IQSEC1: variants seen among roughly 807,000 people sequenced by gnomAD.
IQSEC1 encodes the protein IQ motif and Sec7 domain ArfGEF 1, also known as IQ motif and SEC7 domain-containing protein 1.
A neutral mutation model predicts 91.0 loss-of-function variants in IQSEC1; 31 were observed. That is an observed-to-expected ratio of 0.34 (90% CI 0.26 to 0.46). The LOEUF is 0.46. Ranked by LOEUF, IQSEC1 falls within the 20% of genes least tolerant of loss-of-function variation. The pLI is 1.00. For missense variants in IQSEC1, 1,388 were observed against 1,575.6 expected (o/e 0.88, Z 2.02); for synonymous variants, 699 against 662.6 (o/e 1.05, Z -0.84).
Position 13,282,070 on chromosome 3 carries a change from C to G in IQSEC1, c.272+641G>C, listed in dbSNP as rs1175873697. On this transcript the variant is annotated intron_variant, in intron 1 of 15. Coordinates refer to the IQSEC1 transcript ENST00000648114. This position sits in a 1 kb window ranked among gnomAD's most constrained non-coding sequence, Gnocchi z 6.4. ...GTCCAGGGCTGCTGGACAGCCCCGCCCTGTACCTCTCCCCATCCCTCACTT... is the reference window on the plus strand; with the variant it reads ...GTCCAGGGCTGCTGGACAGCCCCGCGCTGTACCTCTCCCCATCCCTCACTT... Among the ~76,000 whole-genome samples, 1 of 152,202 alleles carries G rather than the reference C, an allele frequency of 6.6e-6. No individual in the cohort carries two copies. Among genetic ancestry groups the G allele is most frequent in the East Asian group, 1.9e-4 (1 of 5,194 alleles).
At chr3:13,182,664 G>T (rs1040854459) in intron 1 of IQSEC1, among the ~76,000 whole-genome samples, 5 of 152,170 alleles carry the variant, frequency 3.3e-5, no homozygotes, top group African/African-American at 1.2e-4. Context: ...AAATTTAAGA[G>T]AACTAGAAAT....
At chr3:13,204,986 A>G (rs943640963) in intron 1 of IQSEC1, among the ~76,000 whole-genome samples, 4 of 151,774 alleles carry the variant, frequency 2.6e-5, no homozygotes, top group Non-Finnish European at 5.9e-5. Context: ...TTAGTAGAAA[A>G]GAGGTTTCAC....
At chr3:13,022,135 CCCA>C (rs1703430439) in intron 1 of IQSEC1, 6 of 1,231,886 alleles carry the variant, frequency 4.9e-6, no homozygotes, top group African/African-American at 1.5e-5. Context: ...GGCCAAGGGG[CCCA>C]CCACCACTGC....
chr3:12,900,677 A>AGT lies in IQSEC1; in HGVS notation c.*304_*305dup. The stretch of plus-strand genomic sequence containing the variant: ...TAGGGCACAGGGAGCTGAGAGCTGG[A>AGT]GTGGGGGAGGCAGTTCAACACTACT... On this transcript the variant is annotated 3_prime_UTR_variant, in exon 14 of 14. Coordinates refer to ENST00000613206, the MANE Select transcript of IQSEC1 (RefSeq NM_001134382.3). 3.1e-6 allele frequency: 4 copies of AGT among 1,302,490 alleles called. No homozygotes were observed. The highest frequency in any genetic ancestry group is 3.9e-6 in the Non-Finnish European group (4 of 1,022,226). 80.7% of individuals were successfully genotyped at this position (1,302,490 alleles called of 1,614,324 possible).
chr3:13,047,429 G>C (rs1704540515), intron 1 of IQSEC1: 1 of 957,266 alleles, frequency 1.0e-6, no homozygotes, highest in South Asian at 4.8e-5. Context: ...TGGGCAGTGA[G>C]GACCTAAGGA....
chr3:13,009,843 C>G (rs1439858440), intron 1 of IQSEC1, among the ~76,000 whole-genome samples: 1 of 152,162 alleles, frequency 6.6e-6, no homozygotes, highest in Non-Finnish European at 1.5e-5. Flanking sequence ...GCGCCCGCCT[C>G]CTACTCCCAT....
intron 1 of IQSEC1, among the ~76,000 whole-genome samples, chr3:12,975,238 G>T (rs752838976): frequency 4.6e-5 from 7 of 152,244 alleles, no homozygotes; most frequent in Non-Finnish European, 8.8e-5. Context: ...AAGGTGTGTT[G>T]AGTGAGTAAG....
intron 1 of IQSEC1, among the ~76,000 whole-genome samples, chr3:13,280,422 G>A (rs1026916218): frequency 1.3e-5 from 2 of 152,098 alleles, no homozygotes; most frequent in African/African-American, 2.4e-5. Flanking sequence ...GAGCAGCCCC[G>A]GGGGGGCCCA....
chr3:13,056,922 C>T (rs1704900471), intron 1 of IQSEC1, among the ~76,000 whole-genome samples: 1 of 152,174 alleles, frequency 6.6e-6, no homozygotes, highest in South Asian at 2.1e-4. Context: ...TCCATATCCA[C>T]CAGGCTCCCA....
Position 12,903,776 on chromosome 3 carries a change from A to G in IQSEC1, c.2756-954T>C, listed in dbSNP as rs545671699. 4.0e-5 allele frequency among the ~76,000 whole-genome samples: 6 copies of G among 149,756 alleles called. No individual in the cohort carries two copies. In the South Asian group the frequency reaches 1.2e-3, roughly 31 times the overall value. ...GTGGGGATGGGAAGAGGGAGAGAGA[A>G]ACAGTCCTCCCCACTTGACACTCTA... On this transcript the variant is annotated intron_variant, in intron 12 of 13. Transcript: ENST00000613206.
chr3:13,172,242 G>A (rs915832173), intron 1 of IQSEC1, among the ~76,000 whole-genome samples: 10 of 152,240 alleles, frequency 6.6e-5, no homozygotes, highest in Admixed American at 5.2e-4. Context: ...TCCTGCCATG[G>A]TTGGGGGAGG....
At chr3:13,277,531 C>T (rs1050786968) in intron 1 of IQSEC1, among the ~76,000 whole-genome samples, 6 of 152,202 alleles carry the variant, frequency 3.9e-5, no homozygotes, top group South Asian at 2.1e-4. Flanking sequence ...CACACTCCCT[C>T]GTCTTTCTGT....
At chr3:13,021,242 C>T (rs984198635) in intron 1 of IQSEC1, among the ~76,000 whole-genome samples, 8 of 152,218 alleles carry the variant, frequency 5.3e-5, no homozygotes, top group African/African-American at 1.4e-4. Flanking sequence ...TGGTCTCCCT[C>T]CTTCTGGCAG....
intron 1 of IQSEC1, among the ~76,000 whole-genome samples, chr3:13,276,129 C>T (rs1256644198): frequency 1.7e-5 from 2 of 116,592 alleles, no homozygotes; most frequent in Non-Finnish European, 3.3e-5. Flanking sequence ...TGCTCTGTCA[C>T]TCAGGCTGGA....
intron 1 of IQSEC1, among the ~76,000 whole-genome samples, chr3:13,219,220 C>T (rs940477144): frequency 6.6e-6 from 1 of 152,216 alleles, no homozygotes; most frequent in African/African-American, 2.4e-5. Context: ...CTGAGCCATG[C>T]TTCCCCAGAG....
At chr3:13,148,977 G>T (rs1706945051) in intron 2 of IQSEC1, among the ~76,000 whole-genome samples, 1 of 152,262 alleles carries the variant, frequency 6.6e-6, no homozygotes, top group Admixed American at 6.5e-5. Context: ...CAAGAGCTGG[G>T]AAGAACCGCT....
intron 1 of IQSEC1, among the ~76,000 whole-genome samples, chr3:12,968,360 C>T (rs1017603551): frequency 1.3e-5 from 2 of 152,176 alleles, no homozygotes; most frequent in African/African-American, 2.4e-5. Flanking sequence ...CACCCAGCCC[C>T]CTACCCTTTC....
intron 1 of IQSEC1, among the ~76,000 whole-genome samples, chr3:13,204,361 G>C (rs1284779902): frequency 6.6e-6 from 1 of 152,284 alleles, no homozygotes; most frequent in Non-Finnish European, 1.5e-5. Context: ...AAACGGAGAA[G>C]AGTCACACCT....
At chr3:13,004,134 G>A (rs969552987) in intron 1 of IQSEC1, among the ~76,000 whole-genome samples, 2 of 152,172 alleles carry the variant, frequency 1.3e-5, no homozygotes, top group African/African-American at 2.4e-5. Context: ...GACCCTGAAT[G>A]GAGAAAAAGC....
Sources: allele counts gnomAD v4.1 joint callset (sites outside exome capture counted in the v4.1 genomes callset), GRCh38; gene constraint gnomAD v4.1.1; non-coding constraint Gnocchi (gnomAD v3.1); transcripts MANE v1.5; gene names NCBI Gene and HGNC (gene_info 2026-07-23, HGNC 2026-07-21).